Variants in P2RY14 observed in about 807,000 individuals in gnomAD.
P2RY14 encodes the protein purinergic receptor P2Y14.
Under a neutral mutation model 0.9 loss-of-function variants are expected in P2RY14, and 2 were observed. The ratio of observed to expected loss-of-function variants is 2.16; its 90% confidence interval spans 0.88 to 6.79. The LOEUF is 6.79. Ranked by LOEUF, P2RY14 falls within the 30% of genes most tolerant of loss-of-function variation. The pLI is 0.05. For synonymous variants in P2RY14, 158 were observed against 147.2 expected, an observed-to-expected ratio of 1.07 and a Z score of -0.53; for missense variants, 378 against 400.1, an observed-to-expected ratio of 0.94 and a Z score of 0.47.
At chr3:151,219,362 T>G (rs185301258) in intron 2 of P2RY14, among the ~76,000 whole-genome samples, 173 bp downstream of exon 2, 9 of 152,336 alleles carry the variant, frequency 5.9e-5, no homozygotes, top group Admixed American at 3.3e-4. Context: ...CTGAGTTCAT[T>G]ACTCATCTGT....
intron 1 of P2RY14, among the ~76,000 whole-genome samples, chr3:151,220,481 T>C (rs1729125409): frequency 6.6e-6 from 1 of 152,184 alleles, no homozygotes; most frequent in Non-Finnish European, 1.5e-5. Context: ...GGTTTGGCTC[T>C]GTGTCCCCAC....
At chr3:151,265,273 A>C (rs1438657662) in intron 1 of P2RY14, among the ~76,000 whole-genome samples, 4 of 152,258 alleles carry the variant, frequency 2.6e-5, no homozygotes, top group Non-Finnish European at 5.9e-5. Context: ...AATAGTCATC[A>C]TGGAAACTGA....
intron 1 of P2RY14, among the ~76,000 whole-genome samples, chr3:151,263,637 A>G (rs1739301452): frequency 6.6e-6 from 1 of 152,192 alleles, no homozygotes. Flanking sequence ...TGTTATTTGA[A>G]AGAAACAATC....
At chr3:151,248,701 T>G (rs1271462363) in intron 1 of P2RY14, among the ~76,000 whole-genome samples, 1 of 152,174 alleles carries the variant, frequency 6.6e-6, no homozygotes, top group Non-Finnish European at 1.5e-5. Context: ...TAACTAGACT[T>G]GGTTTATTAC....
chr3:151,214,100 T>C lies in P2RY14; in HGVS notation c.217A>G (p.Thr73Ala). The C allele has an allele frequency of 6.2e-7, 1 of 1,614,082 alleles. No individual in the cohort carries two copies. The highest frequency in any genetic ancestry group is 1.1e-5 in the South Asian group (1 of 91,078). Reference sequence around the variant, plus strand: ...TCACCAAGGATCTTGAAAGGAAAAGTCAGGCTCATCACAAAGTCAGCAATA... The same window carrying C: ...TCACCAAGGATCTTGAAAGGAAAAGCCAGGCTCATCACAAAGTCAGCAATA... Reference protein sequence around the residue: ...IVIADFVMSLTFPFKILGDSG... With the variant: ...IVIADFVMSLAFPFKILGDSG... Residue 73 changes from threonine (T) to alanine (A), a missense_variant, in exon 3 of 3, where the codon ACT (threonine) becomes GCT (alanine). Transcript: ENST00000309170.
At chr3:151,261,117 T>C (rs1253786524) in intron 1 of P2RY14, among the ~76,000 whole-genome samples, 1 of 152,152 alleles carries the variant, frequency 6.6e-6, no homozygotes, top group Non-Finnish European at 1.5e-5. Flanking sequence ...TTTATGCATT[T>C]AATTCTGAAA....
At chr3:151,226,612 GT>G (rs143326437) in intron 1 of P2RY14, among the ~76,000 whole-genome samples, 1 of 150,436 alleles carries the variant, frequency 6.6e-6, no homozygotes, top group East Asian at 1.9e-4. Context: ...GTCAGCCAGT[GT>G]TTTTTTTTCA....
intron 1 of P2RY14, among the ~76,000 whole-genome samples, chr3:151,251,779 C>T (rs1228339780): frequency 3.9e-5 from 6 of 152,164 alleles, no homozygotes; most frequent in African/African-American, 1.4e-4. Context: ...TTTCACCTGG[C>T]TTATTCTGAA....
At position 151,213,725 on chromosome 3, in the gene P2RY14, C is replaced by G; in HGVS notation, c.592G>C (p.Val198Leu). 7.4e-6 allele frequency: 12 copies of G among 1,614,204 alleles called. No homozygotes were observed. Among genetic ancestry groups the G allele is most frequent in the Non-Finnish European group, 1.0e-5 (12 of 1,180,030 alleles). Residue 198 changes from valine to leucine, a missense_variant, in exon 3 of 3, where the codon GTG (valine) becomes CTG (leucine). Coordinates refer to ENST00000309170, the MANE Select transcript of P2RY14 (RefSeq NM_014879.4). ...TAGAAAACGATTAACAAAAGAAACA[C>G]AATCCAGAAGATGGCCACGAAGATG... ...NYIFVAIFWIVFLLLIVFYTA... is the reference protein window; with the variant it reads ...NYIFVAIFWILFLLLIVFYTA...
chr3:151,229,287 CTT>C (rs1350325779), intron 1 of P2RY14, among the ~76,000 whole-genome samples: 8 of 148,194 alleles, frequency 5.4e-5, no homozygotes, highest in African/African-American at 1.7e-4. Context: ...GTGGTAATAA[CTT>C]ATAAATTCAG....
intron 1 of P2RY14, among the ~76,000 whole-genome samples, chr3:151,235,759 T>C (rs760549981): frequency 6.6e-6 from 1 of 152,062 alleles, no homozygotes; most frequent in Non-Finnish European, 1.5e-5. Context: ...TCCTTGGAGC[T>C]GGCTTCTGCC....
At chr3:151,220,514 C>T (rs954080068) in intron 1 of P2RY14, among the ~76,000 whole-genome samples, 2 of 152,100 alleles carry the variant, frequency 1.3e-5, no homozygotes, top group African/African-American at 2.4e-5. Context: ...TTGTAGCTCC[C>T]GTAATACCCA....
chr3:151,233,286 A>G (rs1199119682), intron 1 of P2RY14, among the ~76,000 whole-genome samples: 2 of 152,154 alleles, frequency 1.3e-5, no homozygotes, highest in Non-Finnish European at 1.5e-5. Context: ...TATTCTCATC[A>G]CATTCTGTAG....
At chr3:151,217,755 G>A (rs1369721542) in intron 2 of P2RY14, among the ~76,000 whole-genome samples, 2 of 152,176 alleles carry the variant, frequency 1.3e-5, no homozygotes, top group East Asian at 1.9e-4. Flanking sequence ...GATACTCTTG[G>A]TAGTAATTTT....
rs1727442663 is a variant in P2RY14, at chr3:151,213,057, G to C, written c.*243C>G. ...TTTAATATAATAGAATTGAATAATT[G>C]TATGTATTAATTTTTTATTAATAGA... On this transcript the variant is annotated 3_prime_UTR_variant, in exon 3 of 3. Coordinates refer to ENST00000309170, the MANE Select transcript of P2RY14 (RefSeq NM_014879.4). 3.8e-6 allele frequency: 1 copy of C among 265,324 alleles called. No individual in the cohort carries two copies. Among genetic ancestry groups the C allele is most frequent in the African/African-American group, 2.2e-5 (1 of 45,088 alleles). 16.4% of individuals were successfully genotyped at this position (265,324 alleles called of 1,614,324 possible).
intron 1 of P2RY14, among the ~76,000 whole-genome samples, chr3:151,252,881 A>G (rs1737118029): frequency 6.6e-6 from 1 of 152,106 alleles, no homozygotes. Flanking sequence ...AACCTAGTCC[A>G]ATTTTATTGA....
rs181578510 is a variant in P2RY14 at position 151,272,587 on chromosome 3, T to C, written c.-133+5700A>G. ...TTTCAGTGTGGATATTCTTACAAAG[T>C]GCATACTCGGGAAAGGTTGTTTGTC... is the stretch of plus-strand genomic sequence containing the variant. On this transcript the variant is annotated intron_variant, in intron 1 of 2. Coordinates refer to ENST00000309170, the MANE Select transcript of P2RY14 (RefSeq NM_014879.4). 1.8e-3 allele frequency among the ~76,000 whole-genome samples: 278 copies of C among 152,334 alleles called. 1 individual carries two copies. Among genetic ancestry groups the C allele is most frequent in the Middle Eastern group, 0.014 (4 of 294 alleles).
At chr3:151,233,727 C>G (rs1361297450) in intron 1 of P2RY14, among the ~76,000 whole-genome samples, 1 of 152,196 alleles carries the variant, frequency 6.6e-6, no homozygotes, top group Non-Finnish European at 1.5e-5. Context: ...GAGTGAAACT[C>G]CGTCTCAAAA....
intron 1 of P2RY14, among the ~76,000 whole-genome samples, chr3:151,232,728 C>G (rs1731939726): frequency 6.6e-6 from 1 of 152,070 alleles, no homozygotes; most frequent in South Asian, 2.1e-4. Flanking sequence ...TAAGTGGGAG[C>G]TAAATCATGA....
Sources: gnomAD v4.1 joint callset for allele counts (sites outside exome capture counted in the v4.1 genomes callset) on GRCh38, gnomAD v4.1.1 for gene constraint, MANE v1.5 for transcripts, NCBI Gene and HGNC (gene_info 2026-07-23, HGNC 2026-07-21) for gene names.